Variants in PPP4R1 observed in about 807,000 individuals in gnomAD.
PPP4R1 encodes the protein serine/threonine-protein phosphatase 4 regulatory subunit 1.
PPP4R1 carries 42 observed loss-of-function variants against 111.2 expected under a neutral mutation model. The ratio of observed to expected loss-of-function variants is 0.38; its 90% confidence interval spans 0.29 to 0.49. PPP4R1 has a LOEUF of 0.49. Ranked by LOEUF, PPP4R1 falls within the 20% of genes least tolerant of loss-of-function variation. The pLI, the probability that PPP4R1 is intolerant of heterozygous loss-of-function variation, is 0.97. For synonymous variants in PPP4R1, 409 were observed against 405.5 expected (o/e 1.01, Z -0.10); for missense variants, 1,012 against 1,161.6 (o/e 0.87, Z 1.87).
Position 9,562,026 on chromosome 18 carries a change from T to C in PPP4R1, c.1796A>G (p.Asn599Ser). The change falls in exon 13 of 20, where the codon AAC becomes AGC. Residue 599 changes from asparagine (N) to serine (S), a missense_variant. Asn to Ser is a conservative substitution (Grantham distance 46, BLOSUM62 1). Coordinates refer to ENST00000400556, the MANE Select transcript of PPP4R1 (RefSeq NM_001042388.3). ...CTCATCAGGGCTAAAACTGCTATTG[T>C]TGCTCAAGTCTGAATCGCTGTGAAT... Reference protein sequence around the residue: ...HYIHSDSDLSNNSSFSPDEER... With the variant: ...HYIHSDSDLSSNSSFSPDEER... 6.2e-7 allele frequency: 1 copy of C among 1,613,424 alleles called. No individual in the cohort carries two copies. Among genetic ancestry groups the C allele is most frequent in the East Asian group, 2.2e-5 (1 of 44,798 alleles).
chr18:9,612,960 C>G lies in PPP4R1; in HGVS notation c.52+1266G>C, dbSNP rs551368320. 7.9e-5 allele frequency among the ~76,000 whole-genome samples: 12 copies of G among 152,252 alleles called. No individual in the cohort carries two copies. The South Asian group carries it at 2.3e-3, about 29-fold the overall frequency. On this transcript the variant is annotated intron_variant, in intron 2 of 19. Transcript: ENST00000400556. ...AATAGTAAATCCCCCTTACTTTACT[C>G]AAAACAACCAGGAATCTAAAAATTA...
In PPP4R1 at chr18:9,563,549, T is replaced by C. The variant is rs759578871; in HGVS notation, c.1575A>G (p.Ala525=). 1.3e-6 allele frequency: 2 copies of C among 1,578,198 alleles called. No individual in the cohort carries two copies. The highest frequency in any genetic ancestry group is 1.7e-6 in the Non-Finnish European group (2 of 1,161,424). Residue 525 remains alanine (A), a splice_region_variant and synonymous_variant, in exon 12 of 20, where the codon GCA becomes GCG. Transcript: ENST00000400556. The stretch of plus-strand genomic sequence containing the variant: ...GTGCAGCGGACAGCACTTCCACTTG[T>C]GCTACAGGCAAAATAAGGAAATGGA... The part of the protein sequence containing the change: ...EPHIDDPDVK[A]QVEVLSAALR...
intron 15 of PPP4R1, among the ~76,000 whole-genome samples, chr18:9,554,263 G>T (rs963365923): frequency 1.3e-5 from 2 of 151,916 alleles, no homozygotes; most frequent in African/African-American, 4.8e-5. Flanking sequence ...GAGTAGCTGG[G>T]ACTACAGGCG....
At position 9,611,829 on chromosome 18, in the gene PPP4R1, T is replaced by C. The variant is rs535143008; in HGVS notation, c.52+2397A>G. Among the ~76,000 whole-genome samples, 50 of 151,728 alleles carry C rather than the reference T, an allele frequency of 3.3e-4. No homozygotes were observed. The South Asian group carries it at 7.9e-3, about 24-fold the overall frequency. The stretch of plus-strand genomic sequence containing the variant: ...GAGTTCGAGACCAGCCTGATCAACA[T>C]GGAGAAACCCCGTCTCTACTAAAAG... On this transcript the variant is annotated intron_variant, in intron 2 of 19. Transcript: ENST00000400556.
chr18:9,606,117 G>T (rs1457930005), intron 2 of PPP4R1, among the ~76,000 whole-genome samples: 1 of 152,092 alleles, frequency 6.6e-6, no homozygotes, highest in Admixed American at 6.6e-5. Context: ...TAGGTTTACG[G>T]TCTTATTTAG....
chr18:9,557,779 T>C (rs184745049), intron 14 of PPP4R1, among the ~76,000 whole-genome samples: 191 of 142,172 alleles, frequency 1.3e-3, no homozygotes, highest in African/African-American at 4.9e-3. Context: ...GCACATGGCT[T>C]TGTTATTACT....
intron 15 of PPP4R1, among the ~76,000 whole-genome samples, chr18:9,555,438 G>A (rs1259700868): frequency 2.0e-5 from 3 of 152,174 alleles, no homozygotes; most frequent in Non-Finnish European, 4.4e-5. Context: ...CACTGGTGAA[G>A]GACTCTAGAG....
intron 15 of PPP4R1, among the ~76,000 whole-genome samples, chr18:9,555,091 C>G (rs919223622): frequency 1.3e-5 from 2 of 152,024 alleles, no homozygotes; most frequent in African/African-American, 4.8e-5. Flanking sequence ...TCACTTGAGC[C>G]CAGGAGTTCA....
intron 11 of PPP4R1, among the ~76,000 whole-genome samples, chr18:9,567,515 G>A (rs149074185): frequency 1.4e-3 from 213 of 152,152 alleles, no homozygotes; most frequent in African/African-American, 4.8e-3. Flanking sequence ...CACTATATCC[G>A]GCTCTCCTGA....
At chr18:9,561,263 A>AT (rs2066672409) in intron 13 of PPP4R1, among the ~76,000 whole-genome samples, 3 of 146,244 alleles carry the variant, frequency 2.1e-5, no homozygotes, top group African/African-American at 5.1e-5. Context: ...AATAATAATA[A>AT]AGTCATAGAA....
intron 16 of PPP4R1, 63 bp from the exon 17 acceptor site, chr18:9,550,461 A>G (rs2066471339): frequency 6.7e-7 from 1 of 1,501,020 alleles, no homozygotes; most frequent in African/African-American, 1.4e-5. Context: ...AAAATAGGTT[A>G]CCCATTTAAA....
intron 8 of PPP4R1, 141 bp from the exon 9 acceptor site, chr18:9,583,416 G>A: frequency 1.1e-6 from 1 of 875,330 alleles, no homozygotes; most frequent in Non-Finnish European, 1.6e-6. Context: ...GCCCAGGCTG[G>A]AGTGAGGTGG....
chr18:9,555,989 C>A (rs1342272177), intron 15 of PPP4R1, among the ~76,000 whole-genome samples: 40 of 75,182 alleles, frequency 5.3e-4, no homozygotes, highest in African/African-American at 1.6e-3. Context: ...AACAAACAAA[C>A]AAACAAACAA....
chr18:9,601,281 G>A (rs1419019729), intron 2 of PPP4R1, among the ~76,000 whole-genome samples: 1 of 151,306 alleles, frequency 6.6e-6, no homozygotes, highest in African/African-American at 2.4e-5. Context: ...CCAGCACTGT[G>A]GGAGGCTGAG....
At chr18:9,578,926 G>A (rs572030096) in intron 9 of PPP4R1, among the ~76,000 whole-genome samples, 7 of 152,184 alleles carry the variant, frequency 4.6e-5, no homozygotes, top group Middle Eastern at 3.4e-3. Context: ...CCCAATAAAG[G>A]ACATAGAAAA....
intron 9 of PPP4R1, among the ~76,000 whole-genome samples, chr18:9,579,516 A>C (rs867904381): frequency 1.1e-5 from 1 of 90,676 alleles, no homozygotes; most frequent in African/African-American, 4.0e-5. Flanking sequence ...TAGGATTTAC[A>C]CGTGTGTGTG....
At chr18:9,595,964 A>T (rs1323084968) in intron 2 of PPP4R1, among the ~76,000 whole-genome samples, 1 of 152,226 alleles carries the variant, frequency 6.6e-6, no homozygotes, top group Non-Finnish European at 1.5e-5. Flanking sequence ...CTGTGTGACA[A>T]GGGCAATTTT....
intron 10 of PPP4R1, among the ~76,000 whole-genome samples, chr18:9,574,618 G>A (rs949983393): frequency 1.4e-4 from 21 of 152,136 alleles, no homozygotes; most frequent in African/African-American, 3.9e-4. Context: ...GTGCACCAAC[G>A]GGCCAGGCCC....
chr18:9,602,270 G>A (rs570613622), intron 2 of PPP4R1, among the ~76,000 whole-genome samples: 35 of 147,440 alleles, frequency 2.4e-4, no homozygotes, highest in African/African-American at 7.8e-4. Flanking sequence ...GGTGGCTCAC[G>A]CCTGTAATCC....
Sources: allele counts gnomAD v4.1 joint callset (sites outside exome capture counted in the v4.1 genomes callset), GRCh38; gene constraint gnomAD v4.1.1; transcripts MANE v1.5; gene names NCBI Gene and HGNC (gene_info 2026-07-23, HGNC 2026-07-21).